SLC2A3: variants seen among roughly 807,000 people sequenced by gnomAD.
SLC2A3 encodes solute carrier family 2, facilitated glucose transporter member 3.
Under a neutral mutation model 46.4 loss-of-function variants are expected in SLC2A3, and 21 were observed. The observed-to-expected ratio is 0.45, with a 90% CI of 0.32 to 0.65. The LOEUF (loss-of-function observed/expected upper bound fraction) is 0.65, where lower values mean the gene tolerates loss of function less well. Among genes scored for constraint, SLC2A3 ranks in the 30% least tolerant of loss-of-function variants. SLC2A3 has a pLI of 0.04. For missense variants in SLC2A3, 499 were observed against 623.3 expected, an observed-to-expected ratio of 0.80 and a Z score of 2.12; for synonymous variants, 213 against 239.4, an observed-to-expected ratio of 0.89 and a Z score of 1.02.
chr12:7,931,056 A>G (rs972826942), intron 4 of SLC2A3, among the ~76,000 whole-genome samples, 189 bp downstream of exon 4: 1 of 152,066 alleles, frequency 6.6e-6, no homozygotes, highest in Non-Finnish European at 1.5e-5. Context: ...TCGGCCTCCC[A>G]AAGTGCTGGG....
intron 7 of SLC2A3, chr12:7,925,580 TGA>T (rs1946087019): frequency 6.0e-6 from 2 of 330,802 alleles, no homozygotes; most frequent in Non-Finnish European, 1.1e-5. Context: ...TAACAGAGCT[TGA>T]GAGTTTTTCC....
At chr12:7,921,924 G>C (rs759932529) in intron 9 of SLC2A3, among the ~76,000 whole-genome samples, 2 of 152,168 alleles carry the variant, frequency 1.3e-5, no homozygotes, top group Admixed American at 1.3e-4. Flanking sequence ...CGAGTGCGGT[G>C]GCTCACGCCC....
chr12:7,927,307 AGT>A (rs908031588), intron 6 of SLC2A3, among the ~76,000 whole-genome samples: 4 of 152,042 alleles, frequency 2.6e-5, no homozygotes, highest in Non-Finnish European at 4.4e-5. Context: ...CTAGTGCAAA[AGT>A]AATTACTTGA....
At chr12:7,929,534 A>T in intron 6 of SLC2A3, 150 bp downstream of exon 6, 1 of 1,141,220 alleles carries the variant, frequency 8.8e-7, no homozygotes, top group Non-Finnish European at 1.2e-6. Context: ...GCATAATTAT[A>T]GCTCACTGCA....
At position 7,936,010 on chromosome 12, in the gene SLC2A3, T is replaced by A. The variant is rs745869545; in HGVS notation, c.15+10A>T. 1 of 1,597,394 alleles carries A rather than the reference T, an allele frequency of 6.3e-7. No homozygotes were observed. The highest frequency in any genetic ancestry group is 1.1e-5 in the South Asian group (1 of 90,754). On this transcript the variant is annotated intron_variant, in intron 1 of 9. Transcript: ENST00000075120. ...CAAGCAAAAATAACCAGTAATTATA[T>A]CATTCTTACCTTCTGTGTCCCCATC...
At position 7,929,772 on chromosome 12, in the gene SLC2A3, A is replaced by C; in HGVS notation, c.773T>G (p.Leu258Arg). 6.2e-7 allele frequency: 1 copy of C among 1,613,648 alleles called. No individual in the cohort carries two copies. The highest frequency in any genetic ancestry group is 8.5e-7 in the Non-Finnish European group (1 of 1,179,674). The part of the protein sequence containing the change: ...RMSQEKQVTV[L>R]ELFRVSSYRQ... The stretch of plus-strand genomic sequence containing the variant: ...GTAGCTGGACACTCTAAAGAGCTCT[A>C]GCACGGTGACTTGCTTTTCTTGTGA... The change falls in exon 6 of 10, where the codon CTA becomes CGA. Residue 258 changes from leucine (L) to arginine (R), a missense_variant. Coordinates refer to ENST00000075120, the MANE Select transcript of SLC2A3 (RefSeq NM_006931.3).
At chr12:7,925,703 A>C in intron 7 of SLC2A3, 141 bp downstream of exon 7, 1 of 680,200 alleles carries the variant, frequency 1.5e-6, no homozygotes, top group Non-Finnish European at 2.5e-6. Context: ...TACATCCAAC[A>C]TTAAATTTAT....
In SLC2A3 at chr12:7,934,917, T is replaced by C. The variant is rs994134969; in HGVS notation, c.16-1015A>G. Reference sequence around the variant, plus strand: ...TAGTAAAAATCTCTTCTGTCTCCTCTCATCATTCACTATCTTTGAGAGCCT... The same window carrying C: ...TAGTAAAAATCTCTTCTGTCTCCTCCCATCATTCACTATCTTTGAGAGCCT... On this transcript the variant is annotated intron_variant, in intron 1 of 9. Transcript: ENST00000075120. Among the ~76,000 whole-genome samples, 11 of 152,176 alleles carry C rather than the reference T, an allele frequency of 7.2e-5. 1 individual carries two copies. Among genetic ancestry groups the C allele is most frequent in the African/African-American group, 2.7e-4 (11 of 41,450 alleles).
intron 1 of SLC2A3, among the ~76,000 whole-genome samples, chr12:7,934,542 G>A (rs1054794678): frequency 2.0e-5 from 3 of 152,012 alleles, no homozygotes; most frequent in Non-Finnish European, 4.4e-5. Flanking sequence ...ATATAAGGGC[G>A]AACCCAACAT....
intron 3 of SLC2A3, among the ~76,000 whole-genome samples, chr12:7,931,688 AGG>A (rs1187619542): frequency 6.6e-6 from 1 of 151,846 alleles, no homozygotes; most frequent in Non-Finnish European, 1.5e-5. Flanking sequence ...CCAGGCACTC[AGG>A]GAGCTGAGGT....
Position 7,920,038 on chromosome 12 carries a change from A to G in SLC2A3, c.*1375T>C, listed in dbSNP as rs1273613723. 1 of 152,310 alleles carries G rather than the reference A, an allele frequency of 6.6e-6. No individual in the cohort carries two copies. Among genetic ancestry groups the G allele is most frequent in the Non-Finnish European group, 1.5e-5 (1 of 68,044 alleles). 9.4% of individuals were successfully genotyped at this position (152,310 alleles called of 1,614,324 possible). On this transcript the variant is annotated 3_prime_UTR_variant, in exon 10 of 10. Transcript: ENST00000075120. Reference sequence around the variant, plus strand: ...TTCAAGTCCCCTGAGGGCATTCGGCATAGGACCACAGTGACATGGTAACAG... The same window carrying G: ...TTCAAGTCCCCTGAGGGCATTCGGCGTAGGACCACAGTGACATGGTAACAG...
rs1946137281 is a variant in SLC2A3, at chr12:7,930,186, T to C, written c.673+294A>G. 9 of 531,394 alleles carry C rather than the reference T, an allele frequency of 1.7e-5. 1 individual carries two copies. In the South Asian group the frequency reaches 2.2e-4, roughly 13 times the overall value. 32.9% of individuals were successfully genotyped at this position (531,394 alleles called of 1,614,324 possible). On this transcript the variant is annotated intron_variant, in intron 5 of 9. Transcript: ENST00000075120. ...TTTTAGTAGAGACAGGGTTTCTCCA[T>C]GTTGTTTCAGGCAGGTCTTGAACTC... is the stretch of plus-strand genomic sequence containing the variant.
rs530481656 is a variant in SLC2A3, at chr12:7,932,132, A to G, written c.270-647T>C. ...CCTGACCTTGTTATCTGCCCGCCTCAGCCTCCCAAAGTGCTGGGATTACAG... is the reference window on the plus strand; with the variant it reads ...CCTGACCTTGTTATCTGCCCGCCTCGGCCTCCCAAAGTGCTGGGATTACAG... On this transcript the variant is annotated intron_variant, in intron 3 of 9. Coordinates refer to ENST00000075120, the MANE Select transcript of SLC2A3 (RefSeq NM_006931.3). Among the ~76,000 whole-genome samples, 26 of 150,726 alleles carry G rather than the reference A, an allele frequency of 1.7e-4. 1 individual carries two copies. The highest frequency in any genetic ancestry group is 3.5e-4 in the Non-Finnish European group (24 of 67,832).
Position 7,922,802 on chromosome 12 carries a change from A to C in SLC2A3, c.1272+19T>G, listed in dbSNP as rs771233588. Reference sequence around the variant, plus strand: ...TCAGCTTACATAGGCTGGTTTTAAGATAAGGTGAGTTTACTTACAGCAGCG... The same window carrying C: ...TCAGCTTACATAGGCTGGTTTTAAGCTAAGGTGAGTTTACTTACAGCAGCG... On this transcript the variant is annotated intron_variant, in intron 9 of 9. Transcript: ENST00000075120. 1 of 1,613,858 alleles carries C rather than the reference A, an allele frequency of 6.2e-7. No individual in the cohort carries two copies. Among genetic ancestry groups the C allele is most frequent in the South Asian group, 1.1e-5 (1 of 91,068 alleles).
intron 6 of SLC2A3, among the ~76,000 whole-genome samples, chr12:7,928,675 A>G (rs1946120817): frequency 6.6e-6 from 1 of 152,020 alleles, no homozygotes; most frequent in African/African-American, 2.4e-5. Context: ...TCACCTGCCT[A>G]GTCCCAGCTC....
intron 1 of SLC2A3, 114 bp downstream of exon 1, chr12:7,935,906 T>C: frequency 1.1e-6 from 1 of 906,846 alleles, no homozygotes; most frequent in South Asian, 1.3e-5. Flanking sequence ...TGAAAAGGCC[T>C]TAAGATAGCT....
chr12:7,923,784 T>C (rs1038991371), intron 8 of SLC2A3, among the ~76,000 whole-genome samples: 2 of 149,798 alleles, frequency 1.3e-5, no homozygotes, highest in East Asian at 2.0e-4. Flanking sequence ...TTTTTTTTTT[T>C]TGAGAGAGAG....
In SLC2A3 at chr12:7,931,269, G is replaced by A. The variant is rs150412980; in HGVS notation, c.486C>T (p.Ile162=). The A allele has an allele frequency of 9.3e-6, 15 of 1,613,988 alleles. No homozygotes were observed. The highest frequency in any genetic ancestry group is 2.2e-5 in the South Asian group (2 of 91,090). Residue 162 remains isoleucine, a synonymous_variant, in exon 4 of 10, where the codon ATC becomes ATT. Coordinates refer to ENST00000075120, the MANE Select transcript of SLC2A3 (RefSeq NM_006931.3). ...GAFGTLNQLG[I]VVGILVAQIF... ...CCTGGGCCACCAGAATTCCAACAACGATGCCCAGCTGGTTGAGAGTGCCAA... is the reference window on the plus strand; with the variant it reads ...CCTGGGCCACCAGAATTCCAACAACAATGCCCAGCTGGTTGAGAGTGCCAA...
At chr12:7,926,069 T>A in intron 6 of SLC2A3, 121 bp from the exon 7 acceptor site, 1 of 764,998 alleles carries the variant, frequency 1.3e-6, no homozygotes, top group Non-Finnish European at 2.3e-6. Flanking sequence ...TTTCGTTCAA[T>A]ACTAATATCC....
Sources: allele counts gnomAD v4.1 joint callset (sites outside exome capture counted in the v4.1 genomes callset), GRCh38; gene constraint gnomAD v4.1.1; transcripts MANE v1.5; gene names NCBI Gene and HGNC (gene_info 2026-07-23, HGNC 2026-07-21).